The following AUTS2 variants were observed in gnomAD, a reference collection of about 807,000 sequenced individuals.
The protein encoded by AUTS2 is autism susceptibility gene 2 protein.
AUTS2 carries 17 observed loss-of-function variants against 112.4 expected under a neutral mutation model. The ratio of observed to expected loss-of-function variants is 0.15; its 90% CI spans 0.10 to 0.23. The LOEUF is 0.23. Ranked by LOEUF, AUTS2 falls within the 10% of genes least tolerant of loss-of-function variation. The pLI, the probability that AUTS2 is intolerant of heterozygous loss-of-function variation, is 1.00. For missense variants in AUTS2, 1,510 were observed against 1,701.6 expected (o/e 0.89, Z 1.98); for synonymous variants, 751 against 702.7 (o/e 1.07, Z -1.09).
chr7:69,606,495 T>G (rs1034006674), intron 1 of AUTS2, among the ~76,000 whole-genome samples: 5 of 152,208 alleles, frequency 3.3e-5, no homozygotes, highest in African/African-American at 4.8e-5. Flanking sequence ...TTATTTTATT[T>G]TACCCCTATC....
At chr7:69,926,357 T>G (rs115532283) in intron 2 of AUTS2, among the ~76,000 whole-genome samples, 1,943 of 152,302 alleles carry the variant, frequency 0.013, 44 homozygotes, top group African/African-American at 0.043. Context: ...TATGTGGTAT[T>G]GATTGATTGA....
chr7:70,740,089 C>T (rs957557020), intron 6 of AUTS2, among the ~76,000 whole-genome samples: 1 of 152,210 alleles, frequency 6.6e-6, no homozygotes, highest in African/African-American at 2.4e-5. Flanking sequence ...CCCAGTGGAG[C>T]TTAATCAGTA....
intron 1 of AUTS2, among the ~76,000 whole-genome samples, chr7:69,799,656 A>T (rs527842031): frequency 6.6e-6 from 1 of 152,156 alleles, no homozygotes; most frequent in Non-Finnish European, 1.5e-5. Flanking sequence ...AGGGACTATA[A>T]CCTGCATAAT....
intron 1 of AUTS2, among the ~76,000 whole-genome samples, chr7:69,777,091 G>A (rs915433562): frequency 6.6e-6 from 1 of 152,192 alleles, no homozygotes; most frequent in African/African-American, 2.4e-5. Context: ...GTGTTTGAAA[G>A]GCATAGTATC....
intron 1 of AUTS2, among the ~76,000 whole-genome samples, chr7:69,711,442 T>C (rs961733083): frequency 3.3e-5 from 5 of 152,216 alleles, no homozygotes; most frequent in South Asian, 2.1e-4. Context: ...ATTAATGATA[T>C]ACATTATTTT....
At chr7:70,400,226 T>C (rs577515827) in intron 4 of AUTS2, among the ~76,000 whole-genome samples, 126 of 152,316 alleles carry the variant, frequency 8.3e-4, no homozygotes, top group Non-Finnish European at 1.3e-3. Context: ...CTCTGTGTTG[T>C]TGAGCAGCCT....
intron 4 of AUTS2, among the ~76,000 whole-genome samples, chr7:70,365,691 G>A (rs1792536497): frequency 1.3e-5 from 2 of 152,312 alleles, no homozygotes; most frequent in South Asian, 2.1e-4. Context: ...TTCTGACAAG[G>A]AACTAAGTGT....
At chr7:70,638,267 G>A (rs1405504231) in intron 5 of AUTS2, among the ~76,000 whole-genome samples, 2 of 151,958 alleles carry the variant, frequency 1.3e-5, no homozygotes, top group African/African-American at 2.4e-5. Flanking sequence ...TTTTGGACGA[G>A]TCCCGCCATA....
At chr7:69,766,579 G>A (rs1328038405) in intron 1 of AUTS2, among the ~76,000 whole-genome samples, 1 of 152,050 alleles carries the variant, frequency 6.6e-6, no homozygotes, top group Non-Finnish European at 1.5e-5. Context: ...TCATCGTTTT[G>A]GGCCTTGGTC....
intron 4 of AUTS2, among the ~76,000 whole-genome samples, chr7:70,409,996 T>G (rs997331392): frequency 6.6e-6 from 1 of 152,216 alleles, no homozygotes; most frequent in Non-Finnish European, 1.5e-5. Flanking sequence ...AGAAGCTAGA[T>G]CCACTTCAAG....
intron 4 of AUTS2, among the ~76,000 whole-genome samples, chr7:70,179,578 C>G (rs1380980294): frequency 6.6e-6 from 1 of 152,156 alleles, no homozygotes; most frequent in Non-Finnish European, 1.5e-5. Flanking sequence ...AGATCTCTAG[C>G]TCTGGTAAAC....
intron 5 of AUTS2, among the ~76,000 whole-genome samples, chr7:70,546,991 A>G (rs962392594): frequency 1.3e-5 from 2 of 152,186 alleles, no homozygotes; most frequent in Admixed American, 1.3e-4. Context: ...CGTTTTAACA[A>G]CTTTATTCAA....
chr7:70,455,527 C>G (rs1435645567), intron 5 of AUTS2, among the ~76,000 whole-genome samples: 1 of 152,184 alleles, frequency 6.6e-6, no homozygotes, highest in African/African-American at 2.4e-5. Context: ...TTCCCAGCAG[C>G]TGAGCGTGGA....
chr7:69,715,080 C>A (rs1341203184), intron 1 of AUTS2, among the ~76,000 whole-genome samples: 3 of 151,978 alleles, frequency 2.0e-5, no homozygotes, highest in African/African-American at 7.2e-5. Flanking sequence ...CTCACCTTTG[C>A]AGCCAAGTTT....
intron 1 of AUTS2, among the ~76,000 whole-genome samples, chr7:69,721,302 C>T (rs528634301): frequency 6.6e-6 from 1 of 152,314 alleles, no homozygotes; most frequent in South Asian, 2.1e-4. Context: ...AAGCCTCCCT[C>T]CTTCACTTGA....
intron 4 of AUTS2, among the ~76,000 whole-genome samples, chr7:70,385,940 T>G (rs983353421): frequency 2.6e-5 from 4 of 152,146 alleles, no homozygotes; most frequent in African/African-American, 4.8e-5. Flanking sequence ...GTATGGTTAC[T>G]TACAACACAG....
chr7:70,128,132 A>C (rs1806077178), intron 3 of AUTS2, among the ~76,000 whole-genome samples: 1 of 152,182 alleles, frequency 6.6e-6, no homozygotes, highest in African/African-American at 2.4e-5. Context: ...TTTTTAAAAA[A>C]ATCTGTGCCA....
At chr7:70,356,906 T>G (rs1038942716) in intron 4 of AUTS2, among the ~76,000 whole-genome samples, 1 of 152,182 alleles carries the variant, frequency 6.6e-6, no homozygotes, top group Non-Finnish European at 1.5e-5. Context: ...AGTTCCTTAG[T>G]AGAATTTCAC....
At chr7:69,650,894 G>A (rs1415021338) in intron 1 of AUTS2, among the ~76,000 whole-genome samples, 2 of 152,144 alleles carry the variant, frequency 1.3e-5, no homozygotes, top group African/African-American at 2.4e-5. Context: ...TGCACATACT[G>A]CGTTAGAATC....
Sources: gnomAD v4.1 joint callset for allele counts (sites outside exome capture counted in the v4.1 genomes callset) on GRCh38, gnomAD v4.1.1 for gene constraint, MANE v1.5 for transcripts, NCBI Gene and HGNC (gene_info 2026-07-23, HGNC 2026-07-21) for gene names.